Variants in B3GAT2 observed in about 807,000 individuals in gnomAD.
B3GAT2 encodes the protein beta-1,3-glucuronyltransferase 2.
In B3GAT2, 26 loss-of-function variants were observed where a neutral mutation model predicts 27.8. That is an observed-to-expected ratio of 0.93 (90% CI 0.68 to 1.30). The LOEUF (loss-of-function observed/expected upper bound fraction) is 1.30. B3GAT2 is among the 50% of genes most tolerant of loss of function. The probability of loss-of-function intolerance (pLI) is 0.00; values close to 1 mark genes in which losing one functional copy is unlikely to be tolerated. For missense variants in B3GAT2, 458 were observed against 459.0 expected (o/e 1.00, Z 0.02); for synonymous variants, 218 against 195.1 (o/e 1.12, Z -0.98).
chr6:70,860,071 A>ACT lies in B3GAT2; in HGVS notation c.*1590_*1591dup. 9.9e-7 allele frequency: 1 copy of ACT among 1,006,204 alleles called. No individual in the cohort carries two copies. Among genetic ancestry groups the ACT allele is most frequent in the East Asian group, 2.6e-5 (1 of 37,924 alleles). 62.3% of individuals were successfully genotyped at this position (1,006,204 alleles called of 1,614,324 possible). A position where few individuals can be genotyped will look rare whatever the true frequency, so the allele number is the denominator to read the frequency against. ...TTGCTTTAAGAAATATTTGTATGGT[A>ACT]CTCTGTTTTTATTCCAGTGCTTGGA... is the stretch of plus-strand genomic sequence containing the variant. On this transcript the variant is annotated 3_prime_UTR_variant, in exon 4 of 4. Transcript: ENST00000230053.
chr6:70,884,254 T>C (rs1040283592), intron 2 of B3GAT2, among the ~76,000 whole-genome samples: 4 of 152,110 alleles, frequency 2.6e-5, no homozygotes, highest in Non-Finnish European at 4.4e-5. Flanking sequence ...GGAGACCCGC[T>C]GAATTAGACC....
intron 1 of B3GAT2, among the ~76,000 whole-genome samples, chr6:70,928,070 G>T (rs1772993826): frequency 1.3e-5 from 2 of 152,122 alleles, no homozygotes; most frequent in Non-Finnish European, 2.9e-5. Context: ...TGAACAACCT[G>T]CTCCTGAATG....
rs182805171 is a variant in B3GAT2, at chr6:70,890,002, G to C, written c.736+4126C>G. Reference sequence around the variant, plus strand: ...TCACCATGTTGGCCAGGCTGGTCTTGAACTCCTGACCTCAGGTGATTCACC... The same window carrying C: ...TCACCATGTTGGCCAGGCTGGTCTTCAACTCCTGACCTCAGGTGATTCACC... On this transcript the variant is annotated intron_variant, in intron 2 of 3. Transcript: ENST00000230053. 4.2e-3 allele frequency among the ~76,000 whole-genome samples: 639 copies of C among 152,010 alleles called. 3 individuals carry two copies. The highest frequency in any genetic ancestry group is 0.014 in the South Asian group (67 of 4,808).
rs752380951 is a variant in B3GAT2, at chr6:70,861,868, C to CTGTT, written c.843_846dup (p.Val283AsnfsTer11). 9 of 1,614,012 alleles carry CTGTT rather than the reference C, an allele frequency of 5.6e-6. No individual in the cohort carries two copies. The highest frequency in any genetic ancestry group is 1.1e-5 in the South Asian group (1 of 91,076). Reference sequence around the variant, plus strand: ...TTTGCTTTCGGTTCCAGTTCTTCGACTGTTGTTATCTGTTTGAGAAAGTCA... The same window carrying CTGTT: ...TTTGCTTTCGGTTCCAGTTCTTCGACTGTTTGTTGTTATCTGTTTGAGAAAGTCA... On this transcript the variant is annotated frameshift_variant, in exon 3 of 4. Transcript: ENST00000230053. LOFTEE classifies it high-confidence loss of function.
rs1488450051 is a variant in B3GAT2, at chr6:70,931,311, A to G, written c.591+24528T>C. On this transcript the variant is annotated intron_variant, in intron 1 of 3. Transcript: ENST00000230053. ...ACAAACCTGCACGTTGTGCACATGTACCCTAGAACTTAAAGTATAATAATA... is the reference window on the plus strand; with the variant it reads ...ACAAACCTGCACGTTGTGCACATGTGCCCTAGAACTTAAAGTATAATAATA... Among the ~76,000 whole-genome samples the G allele has an allele frequency of 5.3e-5, 8 of 152,142 alleles. No homozygotes were observed. In the East Asian group the frequency reaches 1.2e-3, roughly 22 times the overall value.
chr6:70,898,089 TG>T (rs796843800), intron 1 of B3GAT2, among the ~76,000 whole-genome samples: 19 of 152,346 alleles, frequency 1.2e-4, no homozygotes, highest in African/African-American at 4.6e-4. Flanking sequence ...TTGTTTTGAC[TG>T]TTATAGATCC....
intron 1 of B3GAT2, among the ~76,000 whole-genome samples, chr6:70,924,009 G>A (rs925147548): frequency 6.6e-6 from 1 of 152,184 alleles, no homozygotes; most frequent in Non-Finnish European, 1.5e-5. Context: ...ACAGGTGGGA[G>A]TGGGGTGTAC....
chr6:70,904,530 G>C (rs1772564991), intron 1 of B3GAT2, among the ~76,000 whole-genome samples: 1 of 152,154 alleles, frequency 6.6e-6, no homozygotes, highest in East Asian at 1.9e-4. Flanking sequence ...GCTGATTTCA[G>C]GTCTGACACA....
At chr6:70,946,452 T>C (rs1461587684) in intron 1 of B3GAT2, among the ~76,000 whole-genome samples, 2 of 151,736 alleles carry the variant, frequency 1.3e-5, no homozygotes, top group African/African-American at 4.8e-5. Context: ...TAAAACAGAC[T>C]TTAAACCAAC....
At chr6:70,901,876 A>C (rs1582367870) in intron 1 of B3GAT2, among the ~76,000 whole-genome samples, 2 of 152,246 alleles carry the variant, frequency 1.3e-5, no homozygotes, top group African/African-American at 4.8e-5. Context: ...ATTTAGTGTG[A>C]AAAGTATGTG....
At chr6:70,926,079 G>T (rs1772951624) in intron 1 of B3GAT2, among the ~76,000 whole-genome samples, 1 of 152,188 alleles carries the variant, frequency 6.6e-6, no homozygotes, top group Non-Finnish European at 1.5e-5. Flanking sequence ...GCAGCTGAGG[G>T]TCCTGAATGT....
At chr6:70,882,086 C>T (rs1772108086) in intron 2 of B3GAT2, among the ~76,000 whole-genome samples, 1 of 152,188 alleles carries the variant, frequency 6.6e-6, no homozygotes, top group African/African-American at 2.4e-5. Context: ...CTTTCTCTAA[C>T]AGCAGACTAA....
At chr6:70,917,016 T>C (rs190914664) in intron 1 of B3GAT2, among the ~76,000 whole-genome samples, 23 of 152,262 alleles carry the variant, frequency 1.5e-4, no homozygotes, top group East Asian at 1.4e-3. Context: ...TGGCTGTGAG[T>C]CTGTCTGGTC....
chr6:70,911,930 T>C (rs72918895), intron 1 of B3GAT2, among the ~76,000 whole-genome samples: 12,280 of 152,232 alleles, frequency 0.081, 590 homozygotes, highest in Non-Finnish European at 0.11. Context: ...GATTGTGTCC[T>C]TGATTGGCTC....
At chr6:70,914,279 C>T (rs1212556902) in intron 1 of B3GAT2, among the ~76,000 whole-genome samples, 4 of 152,152 alleles carry the variant, frequency 2.6e-5, no homozygotes, top group African/African-American at 4.8e-5. Context: ...CTACCTCTCC[C>T]CCAGTCCCCC....
chr6:70,909,377 G>A (rs1165301861), intron 1 of B3GAT2, among the ~76,000 whole-genome samples: 2 of 152,154 alleles, frequency 1.3e-5, no homozygotes, highest in Non-Finnish European at 2.9e-5. Flanking sequence ...TAAACAAGAA[G>A]GTGTATGAAA....
At chr6:70,897,465 G>A (rs547879174) in intron 1 of B3GAT2, among the ~76,000 whole-genome samples, 7 of 150,896 alleles carry the variant, frequency 4.6e-5, no homozygotes, top group Admixed American at 6.6e-5. Context: ...GGCTCTGCAC[G>A]GTGGCTCATG....
At chr6:70,934,882 TA>T (rs1455009513) in intron 1 of B3GAT2, among the ~76,000 whole-genome samples, 2 of 152,244 alleles carry the variant, frequency 1.3e-5, no homozygotes, top group Non-Finnish European at 2.9e-5. Context: ...ATGTAGCTTT[TA>T]TGTTTAATAG....
At chr6:70,926,847 G>A (rs916400689) in intron 1 of B3GAT2, among the ~76,000 whole-genome samples, 5 of 152,168 alleles carry the variant, frequency 3.3e-5, no homozygotes, top group Non-Finnish European at 7.3e-5. Context: ...TACTCCTCCA[G>A]AAGGGGAATC....
Sources: gnomAD v4.1 joint callset for allele counts (sites outside exome capture counted in the v4.1 genomes callset) on GRCh38, gnomAD v4.1.1 for gene constraint, MANE v1.5 for transcripts, NCBI Gene and HGNC (gene_info 2026-07-23, HGNC 2026-07-21) for gene names.